Variants in RIMS2 observed in about 807,000 individuals in gnomAD.
The protein encoded by RIMS2 is regulating synaptic membrane exocytosis 2, also known as regulating synaptic membrane exocytosis protein 2.
In RIMS2, 59 loss-of-function variants were observed where a neutral mutation model predicts 174.4. The ratio of observed to expected loss-of-function variants is 0.34; its 90% CI spans 0.27 to 0.42. The LOEUF is 0.42. Among genes scored for constraint, RIMS2 ranks in the 10% least tolerant of loss-of-function variants. RIMS2 has a pLI of 1.00. For missense variants in RIMS2, 1,620 were observed against 1,666.3 expected, an observed-to-expected ratio of 0.97 and a Z score of 0.48; for synonymous variants, 606 against 572.5, an observed-to-expected ratio of 1.06 and a Z score of -0.84.
intron 1 of RIMS2, among the ~76,000 whole-genome samples, chr8:103,549,845 A>C (rs1265409872): frequency 1.3e-5 from 2 of 152,326 alleles, no homozygotes; most frequent in Admixed American, 1.3e-4. Context: ...AACAGACTTT[A>C]AACCCACAAA....
At chr8:104,226,312 A>G (rs924834580) in intron 19 of RIMS2, among the ~76,000 whole-genome samples, 3 of 152,206 alleles carry the variant, frequency 2.0e-5, no homozygotes, top group Non-Finnish European at 2.9e-5. Flanking sequence ...CTTTTCAGAA[A>G]GAGTTCAATA....
intron 17 of RIMS2, chr8:103,998,064 T>G: frequency 3.0e-6 from 2 of 669,126 alleles, no homozygotes; most frequent in South Asian, 2.0e-5. Context: ...AATAACAGTT[T>G]CCATGTGCTT....
At chr8:103,856,988 G>C (rs2099031379) in intron 3 of RIMS2, among the ~76,000 whole-genome samples, 2 of 151,958 alleles carry the variant, frequency 1.3e-5, no homozygotes, top group African/African-American at 2.4e-5. Flanking sequence ...TTTCCAATAA[G>C]TTTAAGCTAA....
At chr8:103,586,944 T>C (rs1341666735) in intron 1 of RIMS2, among the ~76,000 whole-genome samples, 1 of 152,018 alleles carries the variant, frequency 6.6e-6, no homozygotes, top group South Asian at 2.1e-4. Context: ...TCATTAGTGG[T>C]TACTATGAGC....
chr8:104,155,546 T>C (rs1312355956), intron 19 of RIMS2, among the ~76,000 whole-genome samples: 1 of 150,512 alleles, frequency 6.6e-6, no homozygotes, highest in Non-Finnish European at 1.5e-5. Flanking sequence ...CCCGAGTAGC[T>C]GGGATTACAG....
At chr8:103,537,739 T>C (rs1369184201) in intron 1 of RIMS2, among the ~76,000 whole-genome samples, 1 of 152,164 alleles carries the variant, frequency 6.6e-6, no homozygotes, top group Non-Finnish European at 1.5e-5. Flanking sequence ...TATTAAGTAG[T>C]CAGGTAGTAT....
At chr8:103,857,969 A>C (rs1230672635) in intron 3 of RIMS2, among the ~76,000 whole-genome samples, 2 of 152,158 alleles carry the variant, frequency 1.3e-5, no homozygotes, top group African/African-American at 4.8e-5. Flanking sequence ...GAAATGTCTG[A>C]GCTGTAATAT....
At chr8:103,799,635 T>C (rs2098591056) in intron 3 of RIMS2, among the ~76,000 whole-genome samples, 1 of 152,206 alleles carries the variant, frequency 6.6e-6, no homozygotes, top group African/African-American at 2.4e-5. Context: ...AAGCATTTCA[T>C]GTGTTTGCAG....
chr8:104,038,681 A>G (rs2096559591), intron 19 of RIMS2, among the ~76,000 whole-genome samples: 5 of 151,898 alleles, frequency 3.3e-5, no homozygotes, highest in Admixed American at 2.6e-4. Flanking sequence ...ACAGCATATT[A>G]TCATTTGCCT....
intron 15 of RIMS2, among the ~76,000 whole-genome samples, chr8:103,972,577 A>C (rs997958190): frequency 6.6e-6 from 1 of 152,054 alleles, no homozygotes; most frequent in Admixed American, 6.5e-5. Flanking sequence ...TTCCCTCCAA[A>C]TGTCTCCAAT....
intron 17 of RIMS2, among the ~76,000 whole-genome samples, chr8:104,011,528 C>A (rs2095761788): frequency 6.6e-6 from 1 of 151,976 alleles, no homozygotes; most frequent in Non-Finnish European, 1.5e-5. Context: ...TAGGACATAG[C>A]AACACATTTA....
intron 4 of RIMS2, among the ~76,000 whole-genome samples, chr8:103,891,491 A>T (rs1241766013): frequency 3.3e-5 from 5 of 152,052 alleles, no homozygotes; most frequent in African/African-American, 1.2e-4. Context: ...CACTTTAATT[A>T]AATAGCCATG....
intron 19 of RIMS2, among the ~76,000 whole-genome samples, chr8:104,117,774 A>G (rs1243928878): frequency 1.3e-5 from 2 of 152,212 alleles, no homozygotes; most frequent in Non-Finnish European, 2.9e-5. Context: ...TAATGTATAT[A>G]TTTGGGAAAT....
At chr8:103,634,000 T>A (rs1347347740) in intron 1 of RIMS2, among the ~76,000 whole-genome samples, 3 of 152,234 alleles carry the variant, frequency 2.0e-5, no homozygotes, top group African/African-American at 7.2e-5. Flanking sequence ...TGAATAATTT[T>A]TCGTGTCTTG....
At chr8:104,139,012 T>C (rs1231657743) in intron 19 of RIMS2, among the ~76,000 whole-genome samples, 24 of 152,206 alleles carry the variant, frequency 1.6e-4, no homozygotes, top group Admixed American at 1.6e-3. Context: ...GCACCATTTA[T>C]TGAAGAGACT....
intron 1 of RIMS2, among the ~76,000 whole-genome samples, chr8:103,601,071 A>G (rs2094712684): frequency 6.6e-6 from 1 of 152,110 alleles, no homozygotes; most frequent in South Asian, 2.1e-4. Flanking sequence ...TTCTTTTCCT[A>G]TAGCGTTGTT....
exon 18 of RIMS2, chr8:104,013,491 G>C (rs1597124445): frequency 3.1e-6 from 5 of 1,613,872 alleles, no homozygotes; most frequent in Non-Finnish European, 3.4e-6. Flanking sequence ...CAGATCAACA[G>C]AACAACGGCC....
rs541385020 is a variant in RIMS2, at chr8:104,073,067, A to G, written c.3334+58452A>G. On this transcript the variant is annotated intron_variant, in intron 19 of 23. Coordinates refer to ENST00000504942, the Ensembl canonical transcript of RIMS2. ...ATTTAAGGATCAACGTATTTTTTCT[A>G]TAAAATCAACTTTCTTTCCTCTTTA... is the stretch of plus-strand genomic sequence containing the variant. Among the ~76,000 whole-genome samples the G allele has an allele frequency of 5.9e-5, 9 of 152,274 alleles. No homozygotes were observed. The South Asian group carries it at 1.9e-3, about 32-fold the overall frequency.
chr8:103,804,451 T>C (rs1450178579), intron 3 of RIMS2, among the ~76,000 whole-genome samples: 1 of 152,040 alleles, frequency 6.6e-6, no homozygotes, highest in Non-Finnish European at 1.5e-5. Flanking sequence ...TTGGATTGTA[T>C]GTGGACAAGA....
Sources: gnomAD v4.1 joint callset for allele counts (sites outside exome capture counted in the v4.1 genomes callset) on GRCh38, gnomAD v4.1.1 for gene constraint, MANE v1.5 for transcripts, NCBI Gene and HGNC (gene_info 2026-07-23, HGNC 2026-07-21) for gene names.